IMMP2L: variants seen among roughly 807,000 people sequenced by gnomAD.
IMMP2L encodes inner mitochondrial membrane peptidase subunit 2.
Under a neutral mutation model 19.3 loss-of-function variants are expected in IMMP2L, and 18 were observed. That is an observed-to-expected ratio of 0.93 (90% CI 0.64 to 1.38). IMMP2L has a LOEUF of 1.38. IMMP2L is among the 40% of genes most tolerant of loss of function. The pLI is 0.00. For missense variants in IMMP2L, 233 were observed against 218.2 expected, an observed-to-expected ratio of 1.07 and a Z score of -0.43; for synonymous variants, 76 against 73.0, an observed-to-expected ratio of 1.04 and a Z score of -0.21.
intron 3 of IMMP2L, among the ~76,000 whole-genome samples, chr7:111,152,159 T>C (rs576446420): frequency 1.5e-4 from 23 of 152,260 alleles, no homozygotes; most frequent in Admixed American, 3.9e-4. Context: ...GCATACATGG[T>C]ATTTTACTAG....
At chr7:110,883,961 G>A (rs1809952905) in intron 5 of IMMP2L, among the ~76,000 whole-genome samples, 2 of 151,862 alleles carry the variant, frequency 1.3e-5, no homozygotes, top group South Asian at 4.1e-4. Flanking sequence ...TTATCTAGGA[G>A]AACAGTTCAA....
rs1811600906 is a variant in IMMP2L at position 111,213,869 on chromosome 7, T to A, written c.240-250304A>T. Among the ~76,000 whole-genome samples, 1 of 152,184 alleles carries A rather than the reference T, an allele frequency of 6.6e-6. No homozygotes were observed. Among genetic ancestry groups the A allele is most frequent in the South Asian group, 2.1e-4 (1 of 4,830 alleles). ...TCTGTTGCTCAATAAAGTTCCTCTTTGCCTTGTTCATGTGACAGTCCTACA... is the reference window on the plus strand; with the variant it reads ...TCTGTTGCTCAATAAAGTTCCTCTTAGCCTTGTTCATGTGACAGTCCTACA... On this transcript the variant is annotated intron_variant, in intron 3 of 5. Coordinates refer to ENST00000405709, the MANE Select transcript of IMMP2L (RefSeq NM_032549.4). The surrounding 1 kb of genome is among the most constrained non-coding windows in gnomAD (Gnocchi z 4.8).
chr7:110,978,751 A>G (rs1309929848), intron 3 of IMMP2L, among the ~76,000 whole-genome samples: 1 of 152,074 alleles, frequency 6.6e-6, no homozygotes, highest in African/African-American at 2.4e-5. Context: ...CCCAGTTTGA[A>G]TACATTGATG....
rs143465792 is a variant in IMMP2L at position 111,025,777 on chromosome 7, A to G, written c.240-62212T>C. On this transcript the variant is annotated intron_variant, in intron 3 of 5. Coordinates refer to ENST00000405709, the MANE Select transcript of IMMP2L (RefSeq NM_032549.4). ...TATGAATGGATAGATGGCTAGATAC[A>G]TGGAATGAATGGTATGAATAACGAA... 2.1e-3 allele frequency among the ~76,000 whole-genome samples: 313 copies of G among 152,280 alleles called. 2 individuals carry two copies. The highest frequency in any genetic ancestry group is 7.1e-3 in the African/African-American group (297 of 41,566).
At chr7:111,468,309 C>T (rs1361234360) in intron 3 of IMMP2L, among the ~76,000 whole-genome samples, 2 of 152,046 alleles carry the variant, frequency 1.3e-5, no homozygotes, top group Non-Finnish European at 2.9e-5. Context: ...ACTAAAATAT[C>T]CACACAGGGA....
chr7:110,894,932 T>C (rs1025611988), intron 4 of IMMP2L, among the ~76,000 whole-genome samples: 1 of 152,166 alleles, frequency 6.6e-6, no homozygotes, highest in Admixed American at 6.6e-5. Flanking sequence ...TTGAAAAAAC[T>C]ATTCTTTCTC....
At chr7:111,535,800 A>C (rs1847835891) in intron 1 of IMMP2L, among the ~76,000 whole-genome samples, 1 of 152,090 alleles carries the variant, frequency 6.6e-6, no homozygotes, top group Non-Finnish European at 1.5e-5. Context: ...AAAAATACAC[A>C]GTGGGAATCA....
At chr7:110,699,502 T>C (rs1395808131) in intron 5 of IMMP2L, among the ~76,000 whole-genome samples, 6 of 152,144 alleles carry the variant, frequency 3.9e-5, no homozygotes, top group Non-Finnish European at 2.9e-5. Flanking sequence ...CCAGGAGCAG[T>C]GGCTCGCGCC....
intron 3 of IMMP2L, among the ~76,000 whole-genome samples, chr7:111,271,428 T>C (rs1818459652): frequency 1.3e-5 from 2 of 152,082 alleles, no homozygotes; most frequent in Non-Finnish European, 2.9e-5. Context: ...AGTAAAATAA[T>C]GTAAATTACA....
intron 4 of IMMP2L, among the ~76,000 whole-genome samples, chr7:110,899,526 T>C (rs565672488): frequency 1.2e-4 from 18 of 152,298 alleles, no homozygotes; most frequent in Non-Finnish European, 1.8e-4. Context: ...ATAAGTTTTA[T>C]AGAATATCAA....
chr7:111,074,987 G>A (rs17158299), intron 3 of IMMP2L, among the ~76,000 whole-genome samples: 24,361 of 152,060 alleles, frequency 0.16, 2,336 homozygotes, highest in African/African-American at 0.26. Context: ...GCTAATCAGC[G>A]TGGACGGAAA....
chr7:111,374,686 C>G (rs1164657748), intron 3 of IMMP2L, among the ~76,000 whole-genome samples: 1 of 152,066 alleles, frequency 6.6e-6, no homozygotes, highest in African/African-American at 2.4e-5. Context: ...ATGGCTTTGG[C>G]CTTAAATCAA....
chr7:111,163,939 C>T (rs958317822), intron 3 of IMMP2L, among the ~76,000 whole-genome samples: 3 of 151,902 alleles, frequency 2.0e-5, no homozygotes, highest in Admixed American at 6.6e-5. Flanking sequence ...AGGAGCTTTT[C>T]CTACTATACT....
At chr7:111,531,111 C>T (rs974415712) in intron 1 of IMMP2L, among the ~76,000 whole-genome samples, 2 of 151,826 alleles carry the variant, frequency 1.3e-5, no homozygotes, top group African/African-American at 4.8e-5. Context: ...ACCACCACGC[C>T]CGGCTAATTT....
At chr7:110,834,315 A>G (rs1384640841) in intron 5 of IMMP2L, among the ~76,000 whole-genome samples, 1 of 152,144 alleles carries the variant, frequency 6.6e-6, no homozygotes, top group Non-Finnish European at 1.5e-5. Flanking sequence ...AATGGTCACT[A>G]GACATAAATC....
rs945186113 is a variant in IMMP2L at position 111,213,752 on chromosome 7, C to G, written c.240-250187G>C. On this transcript the variant is annotated intron_variant, in intron 3 of 5. Transcript: ENST00000405709. This position sits in a 1 kb window ranked among gnomAD's most constrained non-coding sequence, Gnocchi z 4.8. ...TGACCAGTTGTGGAGAGGAGCTACC[C>G]ACACCAGAGTCTCCTATCTAATGAG... is the stretch of plus-strand genomic sequence containing the variant. 1.3e-5 allele frequency among the ~76,000 whole-genome samples: 2 copies of G among 152,114 alleles called. No individual in the cohort carries two copies. The highest frequency in any genetic ancestry group is 4.8e-5 in the African/African-American group (2 of 41,416).
At chr7:111,553,894 C>T (rs772862980) in intron 1 of IMMP2L, among the ~76,000 whole-genome samples, 2 of 152,148 alleles carry the variant, frequency 1.3e-5, no homozygotes, top group African/African-American at 2.4e-5. Context: ...ATATAATGTT[C>T]CTTCACACAA....
chr7:110,857,716 T>G (rs779367432), intron 5 of IMMP2L, among the ~76,000 whole-genome samples: 1 of 152,072 alleles, frequency 6.6e-6, no homozygotes, highest in Non-Finnish European at 1.5e-5. Context: ...CACTTGAGGC[T>G]CCTCTATATT....
intron 4 of IMMP2L, among the ~76,000 whole-genome samples, chr7:110,957,542 ATGGCTCG>A (rs1272098845): frequency 6.6e-6 from 1 of 151,940 alleles, no homozygotes; most frequent in African/African-American, 2.4e-5. Flanking sequence ...ATACTACTCC[ATGGCTCG>A]CCATCCTTCT....
Sources: allele counts gnomAD v4.1 joint callset (sites outside exome capture counted in the v4.1 genomes callset), GRCh38; gene constraint gnomAD v4.1.1; non-coding constraint Gnocchi (gnomAD v3.1); transcripts MANE v1.5; gene names NCBI Gene and HGNC (gene_info 2026-07-23, HGNC 2026-07-21).